Variants in RAP1GAP2 observed in about 807,000 individuals in gnomAD.
The protein encoded by RAP1GAP2 is rap1 GTPase-activating protein 2.
RAP1GAP2 carries 27 observed loss-of-function variants against 95.0 expected under a neutral mutation model. That is an observed-to-expected ratio of 0.28 (90% CI 0.21 to 0.39). RAP1GAP2 has a LOEUF of 0.39. Among genes scored for constraint, RAP1GAP2 ranks in the 10% least tolerant of loss-of-function variants. RAP1GAP2 has a pLI of 1.00. For missense variants in RAP1GAP2, 771 were observed against 970.0 expected (o/e 0.79, Z 2.72); for synonymous variants, 373 against 380.9 (o/e 0.98, Z 0.24).
intron 1 of RAP1GAP2, among the ~76,000 whole-genome samples, chr17:2,769,903 T>C (rs1481391167): frequency 6.6e-6 from 1 of 151,856 alleles, no homozygotes; most frequent in Non-Finnish European, 1.5e-5. Context: ...TAAAACCCCG[T>C]CTCAACTAAA....
intron 2 of RAP1GAP2, among the ~76,000 whole-genome samples, chr17:2,816,510 A>G (rs2070035574): frequency 6.6e-6 from 1 of 151,278 alleles, no homozygotes; most frequent in African/African-American, 2.4e-5. Flanking sequence ...GCTAATTTTT[A>G]TATTTTTTAG....
chr17:2,941,127 A>G (rs1403911664), intron 3 of RAP1GAP2, among the ~76,000 whole-genome samples: 1 of 152,164 alleles, frequency 6.6e-6, no homozygotes, highest in African/African-American at 2.4e-5. Context: ...GTGGGCCGGG[A>G]ACGGTGGCTC....
Position 3,032,477 on chromosome 17 carries a change from C to T in RAP1GAP2, c.*30+28C>T. 4 of 1,600,860 alleles carry T rather than the reference C, an allele frequency of 2.5e-6. No homozygotes were observed. The South Asian group carries it at 4.4e-5, about 18-fold the overall frequency. On this transcript the variant is annotated intron_variant, in intron 24 of 24. Coordinates refer to ENST00000254695, the MANE Select transcript of RAP1GAP2 (RefSeq NM_015085.5). Reference sequence around the variant, plus strand: ...GGGTTGAGTGAATGTCCTGCTGTGGCCGTGAGGGGGGACGTGTGTTTCTTT... The same window carrying T: ...GGGTTGAGTGAATGTCCTGCTGTGGTCGTGAGGGGGGACGTGTGTTTCTTT...
At chr17:2,820,359 G>A (rs1012859069) in intron 2 of RAP1GAP2, among the ~76,000 whole-genome samples, 2 of 152,046 alleles carry the variant, frequency 1.3e-5, no homozygotes, top group African/African-American at 2.4e-5. Flanking sequence ...GGTGGCTCAC[G>A]CCTGTAATCA....
At chr17:2,850,023 T>TG (rs2071763969) in intron 2 of RAP1GAP2, among the ~76,000 whole-genome samples, 1 of 132,812 alleles carries the variant, frequency 7.5e-6, no homozygotes, top group Non-Finnish European at 1.6e-5. Context: ...TTTTTTGAGA[T>TG]GGAGTCTCGC....
At chr17:2,794,990 G>A (rs1386453353), upstream of RAP1GAP2, among the ~76,000 whole-genome samples, 1 of 142,408 alleles carries the variant, frequency 7.0e-6, no homozygotes, top group Non-Finnish European at 1.5e-5. Flanking sequence ...CGATTCTCCT[G>A]CCTCAGCCTC....
At chr17:2,898,527 G>T (rs1232497779) in intron 2 of RAP1GAP2, among the ~76,000 whole-genome samples, 2 of 152,162 alleles carry the variant, frequency 1.3e-5, no homozygotes, top group East Asian at 3.9e-4. Context: ...TGTCCCCTTG[G>T]GGCTTGGAAT....
At chr17:2,859,688 G>A (rs752617368) in intron 2 of RAP1GAP2, among the ~76,000 whole-genome samples, 3 of 152,104 alleles carry the variant, frequency 2.0e-5, no homozygotes, top group Non-Finnish European at 4.4e-5. Flanking sequence ...TGCCCACCTC[G>A]GCCTTCCAAT....
intron 3 of RAP1GAP2, among the ~76,000 whole-genome samples, chr17:2,949,118 C>T (rs4790108): frequency 0.88 from 133,804 of 152,220 alleles, 60,618 homozygotes; most frequent in Non-Finnish European, 1. Context: ...ACTTGGGGCC[C>T]AGACGGAGTT....
intron 20 of RAP1GAP2, 45 bp downstream of exon 20, chr17:3,026,166 C>T (rs1014442168): frequency 7.5e-6 from 11 of 1,463,170 alleles, no homozygotes; most frequent in Non-Finnish European, 1.0e-5. Context: ...CCACGTGGAG[C>T]CCTGGAACAC....
rs1369787597 is a variant in RAP1GAP2, at chr17:3,033,028, C to A, written c.*31-364C>A. On this transcript the variant is annotated intron_variant, in intron 24 of 24. Coordinates refer to ENST00000254695, the MANE Select transcript of RAP1GAP2 (RefSeq NM_015085.5). This position sits in a 1 kb window ranked among gnomAD's most constrained non-coding sequence, Gnocchi z 4.9. ...ACCCATCTGAGCTCCCAGCCCTCTC[C>A]CCACATGGGGCTTCAGGGGTCAGAG... 3 of 156,068 alleles carry A rather than the reference C, an allele frequency of 1.9e-5. No homozygotes were observed. Among genetic ancestry groups the A allele is most frequent in the Non-Finnish European group, 4.3e-5 (3 of 70,284 alleles). 9.7% of individuals were successfully genotyped at this position (156,068 alleles called of 1,614,324 possible).
intron 2 of RAP1GAP2, chr17:2,853,970 G>A (rs1048283887): frequency 1.0e-6 from 1 of 983,792 alleles, no homozygotes; most frequent in African/African-American, 1.7e-5. Context: ...GGGCGGGCGA[G>A]GTCGGGCACC....
chr17:2,970,294 A>AAAT (rs1555582399), intron 8 of RAP1GAP2, among the ~76,000 whole-genome samples: 1,205 of 115,758 alleles, frequency 0.01, 71 homozygotes, highest in Middle Eastern at 0.03. Context: ...AAAAAAAAAA[A>AAAT]AATAATAATA....
intron 8 of RAP1GAP2, among the ~76,000 whole-genome samples, chr17:2,977,349 C>T (rs759581479): frequency 3.9e-5 from 6 of 152,090 alleles, no homozygotes; most frequent in Admixed American, 2.0e-4. Context: ...TGAATTAGTA[C>T]GCAAAAGTAT....
Position 3,030,977 on chromosome 17 carries a change from C to T in RAP1GAP2, c.2163C>T (p.Leu721=). Residue 721 remains leucine, a synonymous_variant, in exon 23 of 25, where the codon CTC becomes CTT. Transcript: ENST00000254695. ...ACCTGAAATTCCGCTTTGACAAGCT[C>T]AGCCATGCCAGCTCTGGTGCGGTAA... ...RSNLKFRFDK[L]SHASSGAGH is the part of the protein sequence containing the mutation. The T allele has an allele frequency of 1.2e-6, 2 of 1,609,096 alleles. No individual in the cohort carries two copies. The highest frequency in any genetic ancestry group is 1.7e-6 in the Non-Finnish European group (2 of 1,177,758).
intron 1 of RAP1GAP2, chr17:2,800,188 T>C (rs577422331): frequency 1.0e-6 from 1 of 985,300 alleles, no homozygotes; most frequent in Non-Finnish European, 1.2e-6. Flanking sequence ...AGAGGCTGCA[T>C]ACAAAGTGCT....
At chr17:3,018,388 T>C (rs1427284745) in intron 18 of RAP1GAP2, among the ~76,000 whole-genome samples, 190 bp downstream of exon 18, 6 of 152,052 alleles carry the variant, frequency 3.9e-5, no homozygotes, top group Admixed American at 3.3e-4. Flanking sequence ...CTTTGGAGCC[T>C]CCATCCTAGA....
chr17:2,798,888 C>A (rs1017034475), intron 1 of RAP1GAP2, among the ~76,000 whole-genome samples: 6 of 152,126 alleles, frequency 3.9e-5, no homozygotes, highest in African/African-American at 1.2e-4. Flanking sequence ...GCGGGGCTGA[C>A]CCGACAGCGG....
chr17:2,902,378 G>T lies in RAP1GAP2; in HGVS notation c.81-2906G>T, dbSNP rs2042053438. Among the ~76,000 whole-genome samples, 1 of 152,146 alleles carries T rather than the reference G, an allele frequency of 6.6e-6. No individual in the cohort carries two copies. The highest frequency in any genetic ancestry group is 6.5e-5 in the Admixed American group (1 of 15,276). On this transcript the variant is annotated intron_variant, in intron 2 of 24. Transcript: ENST00000254695. This position sits in a 1 kb window ranked among gnomAD's most constrained non-coding sequence, Gnocchi z 4.1. Reference sequence around the variant, plus strand: ...ATGACAGGCACACGCCACCATGCCTGGCTAATTTTTGTATTTTTAGTAGAG... The same window carrying T: ...ATGACAGGCACACGCCACCATGCCTTGCTAATTTTTGTATTTTTAGTAGAG...
Sources: allele counts gnomAD v4.1 joint callset (sites outside exome capture counted in the v4.1 genomes callset), GRCh38; gene constraint gnomAD v4.1.1; non-coding constraint Gnocchi (gnomAD v3.1); transcripts MANE v1.5; gene names NCBI Gene and HGNC (gene_info 2026-07-23, HGNC 2026-07-21).